Variants in CDH23 observed in about 807,000 individuals in gnomAD.
The protein encoded by CDH23 is cadherin related 23.
In CDH23, 189 loss-of-function variants were observed where a neutral mutation model predicts 317.1. The ratio of observed to expected loss-of-function variants is 0.60; its 90% CI spans 0.53 to 0.67. The LOEUF (loss-of-function observed/expected upper bound fraction) is 0.67. CDH23 is among the 30% of genes least tolerant of loss of function. The probability of loss-of-function intolerance (pLI) is 0.00; values close to 1 mark genes in which losing one functional copy is unlikely to be tolerated. For synonymous variants in CDH23, 1,839 were observed against 1,876.8 expected (o/e 0.98, Z 0.52); for missense variants, 4,401 against 4,592.4 (o/e 0.96, Z 1.20).
intron 38 of CDH23, among the ~76,000 whole-genome samples, chr10:71,743,639 T>G (rs1334161858): frequency 6.6e-6 from 1 of 151,870 alleles, no homozygotes; most frequent in African/African-American, 2.4e-5. Flanking sequence ...CTGGGCAGGG[T>G]GGGGCTGGGG....
At chr10:71,553,185 G>C (rs1401296934) in intron 6 of CDH23, among the ~76,000 whole-genome samples, 1 of 152,148 alleles carries the variant, frequency 6.6e-6, no homozygotes, top group Non-Finnish European at 1.5e-5. Flanking sequence ...ATAGACATTG[G>C]AATAGGATCA....
At chr10:71,451,871 C>T (rs1850461831) in intron 3 of CDH23, among the ~76,000 whole-genome samples, 1 of 152,164 alleles carries the variant, frequency 6.6e-6, no homozygotes, top group Admixed American at 6.5e-5. Context: ...GGGAATCTTC[C>T]AAGGCAGGAC....
At chr10:71,761,916 C>T (rs370867717) in intron 38 of CDH23, 29 of 1,613,942 alleles carry the variant, frequency 1.8e-5, no homozygotes, top group Admixed American at 3.3e-5. Flanking sequence ...AAGGTCACAT[C>T]GTGCCCTTTG....
At chr10:71,419,708 T>C (rs1490966269) in intron 1 of CDH23, among the ~76,000 whole-genome samples, 1 of 152,234 alleles carries the variant, frequency 6.6e-6, no homozygotes, top group Non-Finnish European at 1.5e-5. Flanking sequence ...CAGACCATTG[T>C]TTTGGATGCA....
Position 71,439,915 on chromosome 10 carries a change from C to T in CDH23, c.67+17C>T, listed in dbSNP as rs1322559966. On this transcript the variant is annotated intron_variant, in intron 2 of 69. Transcript: ENST00000224721. ...GATGCTGGGGTAAGTCCAGTCCTCC[C>T]CGTGTCTATCCCATGGGCAGCCTCT... The T allele has an allele frequency of 6.4e-7, 1 of 1,560,594 alleles. No homozygotes were observed. The highest frequency in any genetic ancestry group is 1.4e-5 in the African/African-American group (1 of 73,708).
In CDH23 at chr10:71,812,017, T is replaced by TGA. The variant is rs748600717; in HGVS notation, c.9380+4_9380+5dup. 5.0e-6 allele frequency: 8 copies of TGA among 1,612,866 alleles called. No homozygotes were observed. Among genetic ancestry groups the TGA allele is most frequent in the Middle Eastern group, 1.7e-4 (1 of 6,056 alleles). ...CACCAACAAGTACTCCTTTGATGGG[T>TGA]GAGTGGGGTACTGGCCCTGCCCGGT... On this transcript the variant is annotated splice_region_variant and intron_variant, in intron 66 of 69. Transcript: ENST00000224721.
chr10:71,402,053 G>A (rs1847805149), intron 1 of CDH23, among the ~76,000 whole-genome samples: 1 of 152,218 alleles, frequency 6.6e-6, no homozygotes, highest in African/African-American at 2.4e-5. Flanking sequence ...TAGTCTTTCA[G>A]TGTGAAAGTT....
intron 38 of CDH23, chr10:71,773,575 G>T: frequency 2.8e-6 from 2 of 721,282 alleles, no homozygotes; most frequent in South Asian, 2.6e-5. Flanking sequence ...CCAGGCACCC[G>T]CCCCCTTCGC....
At chr10:71,455,252 C>T (rs565214489) in intron 3 of CDH23, among the ~76,000 whole-genome samples, 1 of 152,136 alleles carries the variant, frequency 6.6e-6, no homozygotes, top group Non-Finnish European at 1.5e-5. Flanking sequence ...ATAATGTTCA[C>T]ATCTTGCATA....
intron 21 of CDH23, 42 bp from the exon 22 acceptor site, chr10:71,695,376 C>T (rs1865343783): frequency 7.0e-7 from 1 of 1,427,654 alleles, no homozygotes; most frequent in African/African-American, 1.4e-5. Flanking sequence ...CCTGGCCCAT[C>T]TCAGCTGGGT....
rs796240764 is a variant in CDH23, at chr10:71,502,157, A to G, written c.146-7925A>G. Among the ~76,000 whole-genome samples, 23 of 152,326 alleles carry G rather than the reference A, an allele frequency of 1.5e-4. 1 individual carries two copies. Among genetic ancestry groups the G allele is most frequent in the African/African-American group, 4.8e-4 (20 of 41,568 alleles). On this transcript the variant is annotated intron_variant, in intron 3 of 69. Coordinates refer to ENST00000224721, the MANE Select transcript of CDH23 (RefSeq NM_022124.6). ...CTTCTGAGCTAGCCTGCAGACACCA[A>G]GGCTGGTTCTGTCTCTCTAACAGCC...
At chr10:71,412,161 A>G (rs567082184) in intron 1 of CDH23, among the ~76,000 whole-genome samples, 30 of 152,350 alleles carry the variant, frequency 2.0e-4, no homozygotes, top group African/African-American at 7.2e-4. Context: ...TAAAAGCTGA[A>G]TAATATTCCA....
At chr10:71,597,585 C>T (rs751258071) in intron 9 of CDH23, among the ~76,000 whole-genome samples, 3 of 151,946 alleles carry the variant, frequency 2.0e-5, no homozygotes, top group Non-Finnish European at 4.4e-5. Context: ...CCTTTCAGTG[C>T]AGGAGGGCAG....
At chr10:71,696,949 G>C (rs1348599895) in intron 22 of CDH23, among the ~76,000 whole-genome samples, 1 of 152,194 alleles carries the variant, frequency 6.6e-6, no homozygotes, top group Admixed American at 6.5e-5. Flanking sequence ...ACCCCAGCCA[G>C]GGATTCCAAG....
intron 19 of CDH23, among the ~76,000 whole-genome samples, chr10:71,689,057 T>A (rs1173844353): frequency 7.6e-6 from 1 of 131,964 alleles, no homozygotes; most frequent in Non-Finnish European, 1.7e-5. Flanking sequence ...CCAGGGATGG[T>A]GGAGCCAGGG....
At chr10:71,476,138 A>T (rs980977859) in intron 3 of CDH23, among the ~76,000 whole-genome samples, 2 of 152,166 alleles carry the variant, frequency 1.3e-5, no homozygotes, top group Admixed American at 1.3e-4. Context: ...CTATTTAAAT[A>T]GGGCATCAAC....
At chr10:71,670,850 G>A (rs1324334499) in intron 14 of CDH23, among the ~76,000 whole-genome samples, 1 of 152,128 alleles carries the variant, frequency 6.6e-6, no homozygotes, top group African/African-American at 2.4e-5. Flanking sequence ...ACCTCTGAGT[G>A]CCAGCCTAGA....
intron 6 of CDH23, among the ~76,000 whole-genome samples, chr10:71,564,627 C>G (rs1364265126): frequency 6.6e-6 from 1 of 152,246 alleles, no homozygotes; most frequent in Non-Finnish European, 1.5e-5. Context: ...AATGTCCTCG[C>G]CTCCCCGAGG....
chr10:71,712,812 A>AGGCAGGTGGCCCGTGGCCTCTGG lies in CDH23; in HGVS notation c.3369+9_3369+31dup. 1.2e-6 allele frequency: 2 copies of AGGCAGGTGGCCCGTGGCCTCTGG among 1,611,266 alleles called. No individual in the cohort carries two copies. The highest frequency in any genetic ancestry group is 1.7e-6 in the Non-Finnish European group (2 of 1,179,070). ...ATCCCTGAAGGCCACAGCATCTTGC[A>AGGCAGGTGGCCCGTGGCCTCTGG]GGCAGGTGGCCCGTGGCCTCTGGGG... On this transcript the variant is annotated frameshift_variant and splice_region_variant, in exon 28 of 70. Coordinates refer to ENST00000224721, the MANE Select transcript of CDH23 (RefSeq NM_022124.6). LOFTEE classifies it high-confidence loss of function.
Sources: allele counts gnomAD v4.1 joint callset (sites outside exome capture counted in the v4.1 genomes callset), GRCh38; gene constraint gnomAD v4.1.1; transcripts MANE v1.5; gene names NCBI Gene and HGNC (gene_info 2026-07-23, HGNC 2026-07-21).